The following NXN variants were observed in gnomAD, a reference collection of about 807,000 sequenced individuals.
NXN encodes nucleoredoxin 1.
A neutral mutation model predicts 48.6 loss-of-function variants in NXN; 16 were observed. The ratio of observed to expected loss-of-function variants is 0.33; its 90% CI spans 0.22 to 0.50. The LOEUF is 0.50. Among genes scored for constraint, NXN ranks in the 20% least tolerant of loss-of-function variants. The pLI is 0.98. For missense variants in NXN, 492 were observed against 605.5 expected (o/e 0.81, Z 1.97); for synonymous variants, 281 against 269.6 (o/e 1.04, Z -0.41).
intron 5 of NXN, among the ~76,000 whole-genome samples, chr17:807,197 C>CT (rs1425399051): frequency 1.3e-5 from 2 of 152,202 alleles, no homozygotes; most frequent in African/African-American, 4.8e-5. Flanking sequence ...ACAGGGACAG[C>CT]TGGCCGCACA....
At position 917,788 on chromosome 17, in the gene NXN, G is replaced by A. The variant is rs538010317; in HGVS notation, c.360+61531C>T. 6.6e-6 allele frequency among the ~76,000 whole-genome samples: 1 copy of A among 152,314 alleles called. No homozygotes were observed. Among genetic ancestry groups the A allele is most frequent in the South Asian group, 2.1e-4 (1 of 4,822 alleles). On this transcript the variant is annotated intron_variant, in intron 1 of 7. Coordinates refer to ENST00000336868, the MANE Select transcript of NXN (RefSeq NM_022463.5). The surrounding 1 kb of genome is among the most constrained non-coding windows in gnomAD (Gnocchi z 4.5). ...GGCGTGGCTCTCGCTCCCCAGGAAG[G>A]CCTCGCAGAGGTGGGGACAAGGGCG...
At chr17:829,168 G>A (rs1190577886) in intron 1 of NXN, among the ~76,000 whole-genome samples, 4 of 150,726 alleles carry the variant, frequency 2.7e-5, no homozygotes, top group Admixed American at 6.6e-5. Flanking sequence ...GGGGCGGGGT[G>A]GTGGGGCAAA....
At chr17:848,009 C>T (rs1470241977) in intron 1 of NXN, among the ~76,000 whole-genome samples, 1 of 152,038 alleles carries the variant, frequency 6.6e-6, no homozygotes, top group African/African-American at 2.4e-5. Flanking sequence ...AAAGTTGTTA[C>T]AAAACGGGGC....
intron 1 of NXN, among the ~76,000 whole-genome samples, chr17:904,158 C>T (rs1268529038): frequency 6.6e-6 from 1 of 152,180 alleles, no homozygotes; most frequent in African/African-American, 2.4e-5. Flanking sequence ...CATGCCTCAC[C>T]GCGTCGACTG....
intron 1 of NXN, among the ~76,000 whole-genome samples, chr17:901,946 T>G (rs972629524): frequency 1.3e-5 from 2 of 152,180 alleles, no homozygotes; most frequent in East Asian, 3.9e-4. Flanking sequence ...GTGATCCACC[T>G]GCCTCAGCCT....
chr17:812,722 G>C (rs1912169211), intron 5 of NXN, among the ~76,000 whole-genome samples: 1 of 148,628 alleles, frequency 6.7e-6, no homozygotes, highest in Non-Finnish European at 1.5e-5. Context: ...GTGAGTGTAG[G>C]GTGTGTGAGT....
chr17:927,206 G>C (rs543195502), intron 1 of NXN, among the ~76,000 whole-genome samples: 1 of 151,864 alleles, frequency 6.6e-6, no homozygotes, highest in Admixed American at 6.6e-5. Context: ...CCAGCTACTT[G>C]GGAAGCGGAG....
chr17:935,583 C>T (rs1168390652), intron 1 of NXN, among the ~76,000 whole-genome samples: 3 of 152,170 alleles, frequency 2.0e-5, no homozygotes, highest in Non-Finnish European at 2.9e-5. Flanking sequence ...ATGAGCTCTG[C>T]GCTCATTCAC....
intron 1 of NXN, among the ~76,000 whole-genome samples, chr17:869,508 T>C (rs62068406): frequency 1.5e-4 from 23 of 152,234 alleles, no homozygotes; most frequent in Non-Finnish European, 3.1e-4. Flanking sequence ...AACAGGACCA[T>C]ATTGGCAAAA....
intron 3 of NXN, among the ~76,000 whole-genome samples, chr17:823,037 G>A (rs1459074751): frequency 6.6e-6 from 1 of 151,842 alleles, no homozygotes; most frequent in African/African-American, 2.4e-5. Flanking sequence ...GAGACAGAGG[G>A]TGCGGTGAGT....
intron 1 of NXN, among the ~76,000 whole-genome samples, chr17:903,468 G>A (rs2068555428): frequency 6.6e-6 from 1 of 152,038 alleles, no homozygotes; most frequent in South Asian, 2.1e-4. Flanking sequence ...TGCAACCTCT[G>A]CCTCCCAGGC....
chr17:871,085 T>C (rs1468714182), intron 1 of NXN, among the ~76,000 whole-genome samples: 1 of 151,764 alleles, frequency 6.6e-6, no homozygotes, highest in Non-Finnish European at 1.5e-5. Flanking sequence ...ATGGTCTCGA[T>C]CTCCTGACCT....
At position 979,673 on chromosome 17, in the gene NXN, C is replaced by G. The variant is rs765232149; in HGVS notation, c.6G>C (p.Ser2=). The change falls in exon 1 of 8, where the codon TCG becomes TCC. Residue 2 remains serine (S), a synonymous_variant. Coordinates refer to ENST00000336868, the MANE Select transcript of NXN (RefSeq NM_022463.5). The part of the protein sequence containing the change: M[S]GFLEELLGEK... ...CGCCGAGCAGCTCCTCCAGGAAGCC[C>G]GACATCCTGGCCCACCGCAGGGCGG... is the stretch of plus-strand genomic sequence containing the variant. 2.4e-4 allele frequency: 345 copies of G among 1,461,252 alleles called. 5 individuals are homozygous for G. The East Asian group carries it at 9.7e-3, about 41-fold the overall frequency. The allele number at this position is 1,461,252 out of a possible 1,614,324, so 90.5% of individuals were successfully genotyped here. A position where few individuals can be genotyped will look rare whatever the true frequency, so the allele number is the denominator to read the frequency against.
chr17:843,013 A>C (rs1567829015), intron 1 of NXN, among the ~76,000 whole-genome samples: 2 of 100,362 alleles, frequency 2.0e-5, no homozygotes, highest in African/African-American at 8.0e-5. Flanking sequence ...AGAGAGAAAG[A>C]AAGAAAGAAA....
At chr17:879,096 C>G (rs1265376166) in intron 1 of NXN, among the ~76,000 whole-genome samples, 1 of 151,734 alleles carries the variant, frequency 6.6e-6, no homozygotes. Flanking sequence ...ACCCGGGAGG[C>G]AGAGGTTTTA....
intron 1 of NXN, among the ~76,000 whole-genome samples, chr17:940,980 G>T (rs1270494127): frequency 6.9e-6 from 1 of 145,442 alleles, no homozygotes; most frequent in Admixed American, 6.7e-5. Context: ...ATTCCAGGGT[G>T]CAGCCATGAA....
chr17:841,287 G>A (rs569510261), intron 1 of NXN, among the ~76,000 whole-genome samples: 11 of 152,350 alleles, frequency 7.2e-5, no homozygotes, highest in African/African-American at 2.6e-4. Flanking sequence ...CGCTGCAGGG[G>A]CGTCAAAGAG....
intron 1 of NXN, among the ~76,000 whole-genome samples, chr17:945,105 G>A (rs1597263576): frequency 6.6e-6 from 1 of 152,182 alleles, no homozygotes; most frequent in Non-Finnish European, 1.5e-5. Context: ...TTTTTGAGAC[G>A]GAGTCTCGCT....
At chr17:873,543 T>C (rs546612046) in intron 1 of NXN, among the ~76,000 whole-genome samples, 84 of 150,984 alleles carry the variant, frequency 5.6e-4, no homozygotes, top group African/African-American at 2.0e-3. Context: ...CTTCTGTACT[T>C]ATATTTTGCT....
Sources: gnomAD v4.1 joint callset for allele counts (sites outside exome capture counted in the v4.1 genomes callset) on GRCh38, gnomAD v4.1.1 for gene constraint, Gnocchi (gnomAD v3.1) non-coding constraint, MANE v1.5 for transcripts, NCBI Gene and HGNC (gene_info 2026-07-23, HGNC 2026-07-21) for gene names.